The following RAB28 variants were observed in gnomAD, a reference collection of about 807,000 sequenced individuals.
The protein encoded by RAB28 is RAB28, member RAS oncogene family, also known as ras-related protein Rab-28.
In RAB28, 24 loss-of-function variants were observed where a neutral mutation model predicts 31.7. The ratio of observed to expected loss-of-function variants is 0.76; its 90% confidence interval spans 0.55 to 1.06. The LOEUF (loss-of-function observed/expected upper bound fraction) is 1.06, where lower values mean the gene tolerates loss of function less well. Among genes scored for constraint, RAB28 ranks in the 50% least tolerant of loss-of-function variants. The pLI, the probability that RAB28 is intolerant of heterozygous loss-of-function variation, is 0.00. For missense variants in RAB28, 254 were observed against 258.5 expected (o/e 0.98, Z 0.12); for synonymous variants, 100 against 90.4 (o/e 1.11, Z -0.60).
At chr4:13,479,182 T>A (rs1446096417) in intron 2 of RAB28, among the ~76,000 whole-genome samples, 2 of 151,718 alleles carry the variant, frequency 1.3e-5, no homozygotes, top group African/African-American at 4.8e-5. Flanking sequence ...CCATTGTTTA[T>A]CCTCAAAAAA....
At chr4:13,407,117 T>C (rs1418577758) in intron 4 of RAB28, among the ~76,000 whole-genome samples, 1 of 152,260 alleles carries the variant, frequency 6.6e-6, no homozygotes, top group African/African-American at 2.4e-5. Context: ...CTAGGTTTTC[T>C]TCTAGGGTAT....
At chr4:13,481,930 G>A (rs999704968) in intron 1 of RAB28, among the ~76,000 whole-genome samples, 12 of 152,112 alleles carry the variant, frequency 7.9e-5, no homozygotes, top group African/African-American at 2.2e-4. Flanking sequence ...AAAAGAATGG[G>A]AATGTTGGTG....
At chr4:13,430,835 C>A (rs1713768513) in intron 4 of RAB28, among the ~76,000 whole-genome samples, 1 of 152,120 alleles carries the variant, frequency 6.6e-6, no homozygotes, top group Non-Finnish European at 1.5e-5. Flanking sequence ...CTGTGCCACC[C>A]CTAAAGGAAG....
At chr4:13,457,345 A>C (rs1457509097) in intron 4 of RAB28, among the ~76,000 whole-genome samples, 1 of 152,226 alleles carries the variant, frequency 6.6e-6, no homozygotes, top group Non-Finnish European at 1.5e-5. Context: ...GGAAATAGAA[A>C]TTAAAATATA....
At chr4:13,439,690 G>A (rs1376048875) in intron 4 of RAB28, among the ~76,000 whole-genome samples, 3 of 152,160 alleles carry the variant, frequency 2.0e-5, no homozygotes. Context: ...TTTTTATGGT[G>A]TTAGCTCTTA....
chr4:13,435,984 A>G (rs1281732840), intron 4 of RAB28, among the ~76,000 whole-genome samples: 1 of 152,154 alleles, frequency 6.6e-6, no homozygotes, highest in African/African-American at 2.4e-5. Context: ...GGCAAATCAA[A>G]TCAAGCAGCA....
chr4:13,454,123 T>C lies in RAB28; in HGVS notation c.391+6576A>G, dbSNP rs1038638476. Among the ~76,000 whole-genome samples the C allele has an allele frequency of 1.6e-4, 24 of 152,280 alleles. No individual in the cohort carries two copies. The East Asian group carries it at 1.9e-3, about 12-fold the overall frequency. On this transcript the variant is annotated intron_variant, in intron 4 of 6. Coordinates refer to ENST00000330852, the MANE Select transcript of RAB28 (RefSeq NM_001017979.3). ...TTTTCTGCATGGTCTAAATCTGTTG[T>C]TGCAGCTCCTGATAGTATTTTTTAT... is the stretch of plus-strand genomic sequence containing the variant.
intron 4 of RAB28, among the ~76,000 whole-genome samples, chr4:13,456,579 G>A (rs150873194): frequency 1.3e-5 from 2 of 152,332 alleles, no homozygotes; most frequent in African/African-American, 4.8e-5. Context: ...GCTCTTGAAT[G>A]AAGAAATTGG....
chr4:13,444,399 C>T (rs747622619), intron 4 of RAB28, among the ~76,000 whole-genome samples: 11 of 152,100 alleles, frequency 7.2e-5, no homozygotes, highest in Non-Finnish European at 1.2e-4. Flanking sequence ...TATATATGCG[C>T]CACATTTTCT....
At chr4:13,481,425 A>G (rs3822225) in intron 1 of RAB28, among the ~76,000 whole-genome samples, 37,873 of 151,852 alleles carry the variant, frequency 0.25, 6,182 homozygotes, top group East Asian at 0.61. Context: ...ACATTCAATA[A>G]TTTCTCAAGT....
intron 4 of RAB28, among the ~76,000 whole-genome samples, chr4:13,445,795 CCT>C (rs1714663045): frequency 6.6e-6 from 1 of 152,188 alleles, no homozygotes; most frequent in Non-Finnish European, 1.5e-5. Context: ...TCTGTGAACC[CCT>C]GTTGGGAGGT....
chr4:13,374,167 A>C (rs1176900397), intron 6 of RAB28, among the ~76,000 whole-genome samples: 1 of 152,200 alleles, frequency 6.6e-6, no homozygotes, highest in Non-Finnish European at 1.5e-5. Flanking sequence ...CATATAGAAG[A>C]GTGCTGCAGT....
intron 4 of RAB28, among the ~76,000 whole-genome samples, chr4:13,447,182 C>G (rs1183552020): frequency 6.6e-6 from 1 of 152,202 alleles, no homozygotes; most frequent in Non-Finnish European, 1.5e-5. Flanking sequence ...GGTCTCCCTG[C>G]TTCTACTCTT....
At chr4:13,423,729 T>C (rs1206578751) in intron 4 of RAB28, among the ~76,000 whole-genome samples, 1 of 152,138 alleles carries the variant, frequency 6.6e-6, no homozygotes, top group African/African-American at 2.4e-5. Flanking sequence ...TGCCAACCCC[T>C]GCTCTAGATA....
chr4:13,385,373 A>G (rs541512451), intron 4 of RAB28, among the ~76,000 whole-genome samples: 254 of 152,280 alleles, frequency 1.7e-3, no homozygotes, highest in Non-Finnish European at 3.1e-3. Context: ...ATACTTCACA[A>G]GAAGATCATC....
chr4:13,448,997 T>C (rs1164346659), intron 4 of RAB28, among the ~76,000 whole-genome samples: 1 of 151,964 alleles, frequency 6.6e-6, no homozygotes, highest in African/African-American at 2.4e-5. Context: ...TTGGGATTAG[T>C]ATTATCTGGA....
At chr4:13,371,052 A>G in intron 6 of RAB28, 2 of 983,802 alleles carry the variant, frequency 2.0e-6, no homozygotes, top group Non-Finnish European at 2.4e-6. Context: ...TAATTTATTA[A>G]GATAGAAAAG....
At position 13,367,845 on chromosome 4, in the gene RAB28, G is replaced by T; in HGVS notation, c.*713C>A. The T allele has an allele frequency of 5.1e-6, 5 of 984,894 alleles. No homozygotes were observed. Among genetic ancestry groups the T allele is most frequent in the Non-Finnish European group, 6.0e-6 (5 of 829,528 alleles). The allele number at this position is 984,894 out of a possible 1,614,324, so 61.0% of individuals were successfully genotyped here. ...CAGTTTGCAAGAGAAATTCCACGTGGAGCATCAGCTGAACATTTATCAGAA... is the reference window on the plus strand; with the variant it reads ...CAGTTTGCAAGAGAAATTCCACGTGTAGCATCAGCTGAACATTTATCAGAA... On this transcript the variant is annotated 3_prime_UTR_variant, in exon 7 of 7. Transcript: ENST00000330852.
At chr4:13,410,214 T>C (rs1712353879) in intron 4 of RAB28, among the ~76,000 whole-genome samples, 1 of 152,188 alleles carries the variant, frequency 6.6e-6, no homozygotes. Flanking sequence ...CAGGTAGTTC[T>C]TTATAGCAGT....
Sources: gnomAD v4.1 joint callset for allele counts (sites outside exome capture counted in the v4.1 genomes callset) on GRCh38, gnomAD v4.1.1 for gene constraint, MANE v1.5 for transcripts, NCBI Gene and HGNC (gene_info 2026-07-23, HGNC 2026-07-21) for gene names.